SEZ6L: variants seen among roughly 807,000 people sequenced by gnomAD.
The protein encoded by SEZ6L is seizure 6-like protein.
A neutral mutation model predicts 106.2 loss-of-function variants in SEZ6L; 37 were observed. The ratio of observed to expected loss-of-function variants is 0.35; its 90% CI spans 0.27 to 0.46. The LOEUF (loss-of-function observed/expected upper bound fraction) is 0.46, where lower values mean the gene tolerates loss of function less well. Among genes scored for constraint, SEZ6L ranks in the 20% least tolerant of loss-of-function variants. The probability of loss-of-function intolerance (pLI) is 1.00; values close to 1 mark genes in which losing one functional copy is unlikely to be tolerated. For missense variants in SEZ6L, 1,172 were observed against 1,332.8 expected, an observed-to-expected ratio of 0.88 and a Z score of 1.88; for synonymous variants, 541 against 570.4, an observed-to-expected ratio of 0.95 and a Z score of 0.73.
chr22:26,353,816 T>A (rs653449), intron 12 of SEZ6L, among the ~76,000 whole-genome samples: 79,253 of 147,042 alleles, frequency 0.54, 21,443 homozygotes, highest in Admixed American at 0.59. Flanking sequence ...GTAATTGTGA[T>A]CTTGATTAGA....
intron 9 of SEZ6L, among the ~76,000 whole-genome samples, chr22:26,319,771 TTG>T (rs1479279600): frequency 6.6e-6 from 1 of 152,234 alleles, no homozygotes; most frequent in Non-Finnish European, 1.5e-5. Context: ...AGTTTATTTT[TTG>T]TCTTATTCAC....
chr22:26,370,112 G>A (rs1242997159), intron 13 of SEZ6L, among the ~76,000 whole-genome samples: 1 of 152,172 alleles, frequency 6.6e-6, no homozygotes, highest in Non-Finnish European at 1.5e-5. Flanking sequence ...GGCCGGCGCG[G>A]TGGCTCACGC....
chr22:26,259,127 T>C (rs1177704216), intron 1 of SEZ6L, among the ~76,000 whole-genome samples: 1 of 152,230 alleles, frequency 6.6e-6, no homozygotes, highest in African/African-American at 2.4e-5. Context: ...TTCAGATTTC[T>C]GGCTTGAGCT....
intron 1 of SEZ6L, among the ~76,000 whole-genome samples, chr22:26,258,988 T>C (rs1487136113): frequency 2.0e-5 from 3 of 152,262 alleles, no homozygotes; most frequent in Admixed American, 6.5e-5. Flanking sequence ...GCTGTAATCA[T>C]CTAAGGAAGA....
chr22:26,314,093 CACAG>C (rs1569459063), intron 9 of SEZ6L, among the ~76,000 whole-genome samples, 191 bp downstream of exon 9: 2 of 138,326 alleles, frequency 1.4e-5, no homozygotes. Context: ...CACACACACA[CACAG>C]AGAGAGAGAG....
chr22:26,250,720 T>C (rs5752293), intron 1 of SEZ6L, among the ~76,000 whole-genome samples: 19,430 of 152,216 alleles, frequency 0.13, 1,661 homozygotes, highest in East Asian at 0.35. Flanking sequence ...TTTATAGGGA[T>C]TGCATTGTAT....
At chr22:26,209,587 A>G (rs1289474755) in intron 1 of SEZ6L, among the ~76,000 whole-genome samples, 3 of 150,630 alleles carry the variant, frequency 2.0e-5, no homozygotes, top group Non-Finnish European at 4.4e-5. Context: ...AGATGGATAG[A>G]TGGTAGGAAA....
intron 1 of SEZ6L, among the ~76,000 whole-genome samples, chr22:26,220,126 C>G (rs1368788639): frequency 1.3e-5 from 2 of 152,064 alleles, no homozygotes; most frequent in Non-Finnish European, 2.9e-5. Context: ...CTAGGTCCAC[C>G]ACCTACTCAC....
intron 1 of SEZ6L, among the ~76,000 whole-genome samples, chr22:26,286,901 C>G (rs1346662782): frequency 6.6e-6 from 1 of 152,034 alleles, no homozygotes; most frequent in Non-Finnish European, 1.5e-5. Context: ...GCCCCTGCCA[C>G]CATGCCTGAC....
intron 1 of SEZ6L, among the ~76,000 whole-genome samples, chr22:26,275,628 C>T (rs9613148): frequency 0.29 from 44,080 of 151,890 alleles, 7,103 homozygotes; most frequent in Non-Finnish European, 0.37. Context: ...CCAGAGCTTT[C>T]TCTGTCATAC....
chr22:26,289,993 C>T (rs952769432), intron 1 of SEZ6L, among the ~76,000 whole-genome samples: 1 of 152,226 alleles, frequency 6.6e-6, no homozygotes, highest in African/African-American at 2.4e-5. Context: ...ATGACGGCAG[C>T]TGGCATTTGC....
intron 5 of SEZ6L, among the ~76,000 whole-genome samples, chr22:26,303,363 C>T (rs2081512508): frequency 6.6e-6 from 1 of 152,172 alleles, no homozygotes. Context: ...TAATGGGTAC[C>T]TGCTATGTAT....
At chr22:26,340,193 C>T (rs1421927255) in intron 9 of SEZ6L, among the ~76,000 whole-genome samples, 1 of 152,082 alleles carries the variant, frequency 6.6e-6, no homozygotes, top group East Asian at 1.9e-4. Flanking sequence ...CTGAGAGTGC[C>T]ACTGCACTCT....
intron 12 of SEZ6L, among the ~76,000 whole-genome samples, chr22:26,353,474 G>T (rs1276518078): frequency 6.6e-6 from 1 of 152,140 alleles, no homozygotes; most frequent in Admixed American, 6.5e-5. Context: ...CTATATATAT[G>T]TGAATCTATG....
chr22:26,348,703 A>AAAGCAAGCAAGCAAGCAAGC (rs1207033331), intron 11 of SEZ6L, among the ~76,000 whole-genome samples: 2 of 41,484 alleles, frequency 4.8e-5, no homozygotes, highest in African/African-American at 2.3e-4. Context: ...AGAAAGAAAG[A>AAAGCAAGCAAGCAAGCAAGC]AGGCAAGGGA....
intron 1 of SEZ6L, among the ~76,000 whole-genome samples, chr22:26,212,705 G>A (rs943412766): frequency 2.6e-5 from 4 of 152,188 alleles, no homozygotes; most frequent in African/African-American, 7.2e-5. Context: ...TTACAGGTGT[G>A]AGCCACCACG....
At chr22:26,348,642 A>G (rs1180099085) in intron 11 of SEZ6L, among the ~76,000 whole-genome samples, 9 of 31,212 alleles carry the variant, frequency 2.9e-4, no homozygotes, top group African/African-American at 1.6e-3. Context: ...GAAAGAAAGA[A>G]AGAAAAAGAA....
intron 5 of SEZ6L, 40 bp downstream of exon 5, chr22:26,299,209 A>G: frequency 5.3e-6 from 7 of 1,332,012 alleles, no homozygotes; most frequent in Non-Finnish European, 6.8e-6. Flanking sequence ...TGATGGTCCA[A>G]CTAAGAGGGG....
chr22:26,339,866 T>G (rs2082768837), intron 9 of SEZ6L, among the ~76,000 whole-genome samples: 4 of 152,248 alleles, frequency 2.6e-5, no homozygotes, highest in Middle Eastern at 3.4e-3. Flanking sequence ...TGAAGGTGAT[T>G]CTTCTTACAA....
Sources: gnomAD v4.1 joint callset for allele counts (sites outside exome capture counted in the v4.1 genomes callset) on GRCh38, gnomAD v4.1.1 for gene constraint, MANE v1.5 for transcripts, NCBI Gene and HGNC (gene_info 2026-07-23, HGNC 2026-07-21) for gene names.